The following ZMIZ1 variants were observed in gnomAD, a reference collection of about 807,000 sequenced individuals.
ZMIZ1 encodes the protein zinc finger MIZ-type containing 1.
In ZMIZ1, 17 loss-of-function variants were observed where a neutral mutation model predicts 113.9. That is an observed-to-expected ratio of 0.15 (90% CI 0.10 to 0.22). The LOEUF is 0.22. Ranked by LOEUF, ZMIZ1 falls within the 10% of genes least tolerant of loss-of-function variation. The pLI, the probability that ZMIZ1 is intolerant of heterozygous loss-of-function variation, is 1.00. For synonymous variants in ZMIZ1, 607 were observed against 603.1 expected, an observed-to-expected ratio of 1.01 and a Z score of -0.09; for missense variants, 1,059 against 1,477.8, an observed-to-expected ratio of 0.72 and a Z score of 4.65.
intron 7 of ZMIZ1, among the ~76,000 whole-genome samples, chr10:79,254,492 C>T (rs1850754155): frequency 6.6e-6 from 1 of 152,246 alleles, no homozygotes; most frequent in Non-Finnish European, 1.5e-5. Context: ...CTGCCGAGTG[C>T]TGCTCTTGCT....
chr10:79,121,209 T>G (rs1418560473), intron 2 of ZMIZ1, among the ~76,000 whole-genome samples: 1 of 152,206 alleles, frequency 6.6e-6, no homozygotes, highest in South Asian at 2.1e-4. Flanking sequence ...ATAGGTCATT[T>G]ATTACCCACT....
At chr10:79,127,385 A>G (rs1310874648) in intron 2 of ZMIZ1, among the ~76,000 whole-genome samples, 1 of 152,126 alleles carries the variant, frequency 6.6e-6, no homozygotes, top group Non-Finnish European at 1.5e-5. Context: ...GGATTGCGCA[A>G]ATTCCCCCAG....
intron 6 of ZMIZ1, among the ~76,000 whole-genome samples, chr10:79,215,962 C>T (rs774670139): frequency 5.3e-5 from 8 of 152,252 alleles, no homozygotes; most frequent in East Asian, 1.9e-4. Context: ...CCCCTAAGGA[C>T]GGGGCCAGGA....
chr10:79,126,218 C>T (rs1844504449), intron 2 of ZMIZ1, among the ~76,000 whole-genome samples: 2 of 152,182 alleles, frequency 1.3e-5, no homozygotes, highest in Admixed American at 6.5e-5. Context: ...AGGGGCAACG[C>T]CTCAGAGTCA....
intron 4 of ZMIZ1, among the ~76,000 whole-genome samples, chr10:79,192,810 A>G (rs537434138): frequency 3.4e-4 from 51 of 152,174 alleles, no homozygotes; most frequent in African/African-American, 1.2e-3. Flanking sequence ...ACCACTGCCT[A>G]CCCAGGGGCC....
intron 1 of ZMIZ1, among the ~76,000 whole-genome samples, chr10:79,080,876 A>G (rs1262157819): frequency 6.6e-6 from 1 of 152,014 alleles, no homozygotes; most frequent in Non-Finnish European, 1.5e-5. Context: ...AGCTCCCCAG[A>G]GGGGTCTGGG....
At chr10:79,166,647 A>G (rs941544701) in intron 4 of ZMIZ1, among the ~76,000 whole-genome samples, 1 of 152,252 alleles carries the variant, frequency 6.6e-6, no homozygotes, top group African/African-American at 2.4e-5. Context: ...TCCCTCCAGC[A>G]TTAATGAAAT....
intron 4 of ZMIZ1, among the ~76,000 whole-genome samples, chr10:79,181,666 A>T (rs1847126856): frequency 6.6e-6 from 1 of 151,974 alleles, no homozygotes; most frequent in Non-Finnish European, 1.5e-5. Flanking sequence ...TCCAGGTCAC[A>T]CCCCTTTGTG....
At chr10:79,111,769 C>G (rs111555451) in intron 1 of ZMIZ1, among the ~76,000 whole-genome samples, 3 of 152,360 alleles carry the variant, frequency 2.0e-5, no homozygotes, top group African/African-American at 7.2e-5. Flanking sequence ...CTGAGAACGT[C>G]TCACCCACTA....
intron 7 of ZMIZ1, among the ~76,000 whole-genome samples, chr10:79,223,618 G>A (rs545711374): frequency 1.8e-4 from 27 of 152,364 alleles, no homozygotes; most frequent in Admixed American, 5.2e-4. Context: ...CAGTGCCGTG[G>A]GAAAGGCAAC....
chr10:79,114,138 C>T (rs774715097), intron 1 of ZMIZ1, among the ~76,000 whole-genome samples: 1 of 152,252 alleles, frequency 6.6e-6, no homozygotes, highest in Non-Finnish European at 1.5e-5. Flanking sequence ...GCAGACTTCC[C>T]TGCCCGGCAG....
chr10:79,078,345 C>A (rs1025028320), intron 1 of ZMIZ1, among the ~76,000 whole-genome samples: 1 of 152,126 alleles, frequency 6.6e-6, no homozygotes, highest in Non-Finnish European at 1.5e-5. Context: ...TCACTCACCC[C>A]TCCGAGCCTC....
At chr10:79,303,518 A>G (rs1161150368) in intron 18 of ZMIZ1, among the ~76,000 whole-genome samples, 4 of 131,608 alleles carry the variant, frequency 3.0e-5, no homozygotes, top group African/African-American at 7.8e-5. Context: ...CCTTTGAAGG[A>G]GACTCCGGGT....
At chr10:79,158,683 C>A (rs1042668455) in intron 3 of ZMIZ1, among the ~76,000 whole-genome samples, 1 of 152,196 alleles carries the variant, frequency 6.6e-6, no homozygotes. Flanking sequence ...TCAACATGAC[C>A]GAGTGCCTCC....
In ZMIZ1 at chr10:79,302,199, C is replaced by T. The variant is rs1156816641; in HGVS notation, c.2112C>T (p.His704=). The stretch of plus-strand genomic sequence containing the variant: ...AGAAGCGCCTCCTGCCCGCAGAGCA[C>T]TGTATCACGAAAAGTGAGTCAGGGT... The part of the protein sequence containing the change: ...LLKKRLLPAE[H]CITKIKRNFS... Residue 704 remains histidine, a synonymous_variant, in exon 18 of 25, where the codon CAC becomes CAT. Transcript: ENST00000334512. 9 of 1,613,456 alleles carry T rather than the reference C, an allele frequency of 5.6e-6. No homozygotes were observed. Among genetic ancestry groups the T allele is most frequent in the Non-Finnish European group, 7.6e-6 (9 of 1,180,018 alleles).
rs140823163 is a variant in ZMIZ1 at position 79,291,187 on chromosome 10, C to T, written c.758+11C>T. 12 of 1,591,320 alleles carry T rather than the reference C, an allele frequency of 7.5e-6. No homozygotes were observed. The highest frequency in any genetic ancestry group is 4.0e-5 in the African/African-American group (3 of 74,544). On this transcript the variant is annotated intron_variant, in intron 10 of 24. Coordinates refer to ENST00000334512, the MANE Select transcript of ZMIZ1 (RefSeq NM_020338.4). ...GGGCTTTGGGGCCAGGTGAGCAGGG[C>T]TGACCTGTGGCAGAAGCCATGGACG...
At chr10:79,249,713 A>G (rs1850427209) in intron 7 of ZMIZ1, among the ~76,000 whole-genome samples, 2 of 152,200 alleles carry the variant, frequency 1.3e-5, no homozygotes, top group Non-Finnish European at 2.9e-5. Context: ...GAATGTTCCC[A>G]TCATGGTAGA....
chr10:79,138,693 C>T (rs912265410), intron 2 of ZMIZ1, among the ~76,000 whole-genome samples: 2 of 152,194 alleles, frequency 1.3e-5, no homozygotes, highest in African/African-American at 2.4e-5. Context: ...TTCTGCACAA[C>T]GTTTGCCAAA....
chr10:79,181,893 C>T (rs1318733600), intron 4 of ZMIZ1, among the ~76,000 whole-genome samples: 2 of 152,242 alleles, frequency 1.3e-5, no homozygotes, highest in South Asian at 2.1e-4. Context: ...GGCTCCCCAC[C>T]GGCAGCTGAG....
Sources: gnomAD v4.1 joint callset for allele counts (sites outside exome capture counted in the v4.1 genomes callset) on GRCh38, gnomAD v4.1.1 for gene constraint, MANE v1.5 for transcripts, NCBI Gene and HGNC (gene_info 2026-07-23, HGNC 2026-07-21) for gene names.